The following CNTN5 variants were observed in gnomAD, a reference collection of about 807,000 sequenced individuals.
CNTN5 encodes the protein contactin 5.
CNTN5 carries 77 observed loss-of-function variants against 129.1 expected under a neutral mutation model. The ratio of observed to expected loss-of-function variants is 0.60; its 90% CI spans 0.50 to 0.72. CNTN5 has a LOEUF of 0.72. CNTN5 is among the 30% of genes least tolerant of loss of function. The pLI is 0.00. For synonymous variants in CNTN5, 509 were observed against 465.6 expected, an observed-to-expected ratio of 1.09 and a Z score of -1.20; for missense variants, 1,478 against 1,328.8, an observed-to-expected ratio of 1.11 and a Z score of -1.75.
intron 3 of CNTN5, among the ~76,000 whole-genome samples, chr11:99,579,798 T>C (rs1949506472): frequency 6.6e-6 from 1 of 150,824 alleles, no homozygotes; most frequent in Admixed American, 6.6e-5. Context: ...TGACTTCCTT[T>C]TTTCCTAATT....
chr11:99,297,292 G>C (rs76463922), intron 1 of CNTN5, among the ~76,000 whole-genome samples: 3,030 of 152,232 alleles, frequency 0.02, 58 homozygotes, highest in African/African-American at 0.047. Flanking sequence ...GAAAAGTTCA[G>C]GTAGCTGCTT....
chr11:99,835,145 G>A (rs530765603), intron 4 of CNTN5, among the ~76,000 whole-genome samples: 7 of 152,294 alleles, frequency 4.6e-5, no homozygotes, highest in Admixed American at 6.5e-5. Flanking sequence ...GCCCTGTGGC[G>A]GGTAAGATCA....
At chr11:99,751,288 G>A (rs775698554) in intron 3 of CNTN5, among the ~76,000 whole-genome samples, 1 of 152,132 alleles carries the variant, frequency 6.6e-6, no homozygotes, top group Non-Finnish European at 1.5e-5. Context: ...AGTGAGCTAA[G>A]ACTGTGCCAT....
At chr11:99,440,755 G>C (rs1943794374) in intron 2 of CNTN5, among the ~76,000 whole-genome samples, 1 of 152,090 alleles carries the variant, frequency 6.6e-6, no homozygotes, top group South Asian at 2.1e-4. Context: ...CATTATGAAG[G>C]AGCAAGTTTT....
rs1322586752 is a variant in CNTN5 at position 100,288,184 on chromosome 11, C to T, written c.2315-9441C>T. Among the ~76,000 whole-genome samples the T allele has an allele frequency of 3.9e-5, 6 of 152,278 alleles. No individual in the cohort carries two copies. The East Asian group carries it at 5.8e-4, about 15-fold the overall frequency. ...GGAGACTTTAACAACCCACTGTCAA[C>T]ATTAGACAGATCAACGAGACAGAAA... On this transcript the variant is annotated intron_variant, in intron 18 of 24. Transcript: ENST00000524871.
At chr11:99,381,966 C>A (rs1308091589) in intron 2 of CNTN5, among the ~76,000 whole-genome samples, 1 of 135,724 alleles carries the variant, frequency 7.4e-6, no homozygotes, top group Non-Finnish European at 1.6e-5. Flanking sequence ...AGAGAAAAAT[C>A]GTAGTCTCCC....
chr11:100,088,457 C>A (rs1378040018), intron 13 of CNTN5, among the ~76,000 whole-genome samples: 1 of 151,824 alleles, frequency 6.6e-6, no homozygotes. Context: ...AAATTTGGTT[C>A]TTTAAAAGGA....
intron 2 of CNTN5, among the ~76,000 whole-genome samples, chr11:99,406,299 T>C (rs1477603424): frequency 6.6e-6 from 1 of 152,132 alleles, no homozygotes; most frequent in South Asian, 2.1e-4. Context: ...TATAGACTCA[T>C]AGAGGTACCA....
At chr11:100,278,481 T>G (rs1449820530) in intron 18 of CNTN5, among the ~76,000 whole-genome samples, 2 of 152,090 alleles carry the variant, frequency 1.3e-5, no homozygotes, top group African/African-American at 4.8e-5. Flanking sequence ...TCCTTTTCAA[T>G]GTATTGCATC....
At chr11:100,224,181 C>G (rs915373394) in intron 15 of CNTN5, among the ~76,000 whole-genome samples, 1 of 152,150 alleles carries the variant, frequency 6.6e-6, no homozygotes, top group Non-Finnish European at 1.5e-5. Context: ...AGACACATGG[C>G]TTTGGGACCA....
intron 1 of CNTN5, among the ~76,000 whole-genome samples, chr11:99,158,910 A>G (rs553164681): frequency 2.0e-4 from 31 of 152,316 alleles, no homozygotes; most frequent in Non-Finnish European, 4.0e-4. Context: ...CATATTGAAT[A>G]TTAAAACATT....
At chr11:100,234,411 T>C (rs1020379662) in intron 16 of CNTN5, among the ~76,000 whole-genome samples, 2 of 152,104 alleles carry the variant, frequency 1.3e-5, no homozygotes, top group African/African-American at 2.4e-5. Context: ...CCATCGATGA[T>C]AGACTTGATA....
At chr11:99,094,917 C>T (rs1430423608) in intron 1 of CNTN5, among the ~76,000 whole-genome samples, 2 of 151,668 alleles carry the variant, frequency 1.3e-5, no homozygotes, top group Non-Finnish European at 1.5e-5. Context: ...AGTAAAAGTA[C>T]CTTTTCCACC....
In CNTN5 at chr11:99,916,168, CT is replaced by C; in HGVS notation, c.673+22del. On this transcript the variant is annotated intron_variant, in intron 7 of 24. Coordinates refer to ENST00000524871, the MANE Select transcript of CNTN5 (RefSeq NM_014361.4). ...TCACCAGGTACAGTAGGATCTCATT[CT>C]TTGCTGCTGCTGCTGCTCTCTTTTG... 1.3e-6 allele frequency: 2 copies of C among 1,582,056 alleles called. No individual in the cohort carries two copies. The highest frequency in any genetic ancestry group is 1.7e-6 in the Non-Finnish European group (2 of 1,153,640).
At chr11:100,136,631 C>G (rs773806887) in intron 13 of CNTN5, among the ~76,000 whole-genome samples, 8 of 151,642 alleles carry the variant, frequency 5.3e-5, no homozygotes, top group Non-Finnish European at 2.9e-5. Flanking sequence ...AGGACAATAT[C>G]ACAAGTGTGT....
intron 9 of CNTN5, among the ~76,000 whole-genome samples, chr11:100,040,179 C>T (rs1473138491): frequency 6.6e-6 from 1 of 152,000 alleles, no homozygotes; most frequent in Non-Finnish European, 1.5e-5. Context: ...GTTAGTTTTC[C>T]TTCTAACAGA....
intron 16 of CNTN5, among the ~76,000 whole-genome samples, chr11:100,233,664 T>C (rs1565360272): frequency 6.6e-6 from 1 of 152,072 alleles, no homozygotes; most frequent in Admixed American, 6.6e-5. Flanking sequence ...GCATCCAAAA[T>C]AGTAAATTCT....
intron 1 of CNTN5, among the ~76,000 whole-genome samples, chr11:99,247,333 G>A (rs1486135840): frequency 2.6e-5 from 4 of 151,984 alleles, no homozygotes. Flanking sequence ...TAAAGAGCAT[G>A]ATTCATGTAA....
intron 18 of CNTN5, among the ~76,000 whole-genome samples, chr11:100,276,854 ATTT>A (rs560279911): frequency 6.8e-6 from 1 of 147,122 alleles, no homozygotes; most frequent in African/African-American, 2.5e-5. Flanking sequence ...TGTACAATTA[ATTT>A]TTTTTTTTTA....
Sources: gnomAD v4.1 joint callset for allele counts (sites outside exome capture counted in the v4.1 genomes callset) on GRCh38, gnomAD v4.1.1 for gene constraint, MANE v1.5 for transcripts, NCBI Gene and HGNC (gene_info 2026-07-23, HGNC 2026-07-21) for gene names.